Variants in MOCS1 observed in about 807,000 individuals in gnomAD.
MOCS1 encodes molybdenum cofactor biosynthesis protein 1.
A neutral mutation model predicts 57.6 loss-of-function variants in MOCS1; 39 were observed. That is an observed-to-expected ratio of 0.68 (90% confidence interval 0.52 to 0.88). The LOEUF is 0.88. Ranked by LOEUF, MOCS1 falls within the 40% of genes least tolerant of loss-of-function variation. The pLI, the probability that MOCS1 is intolerant of heterozygous loss-of-function variation, is 0.00. For synonymous variants in MOCS1, 334 were observed against 335.7 expected (o/e 1.00, Z 0.05); for missense variants, 795 against 831.1 (o/e 0.96, Z 0.53).
chr6:39,914,503 ATCATTAACCACAG>A (rs1484254416), intron 4 of MOCS1, among the ~76,000 whole-genome samples: 1 of 152,224 alleles, frequency 6.6e-6, no homozygotes, highest in Non-Finnish European at 1.5e-5. Flanking sequence ...TGTCTCAACA[ATCATTAACCACAG>A]TCAATGTGAC....
intron 8 of MOCS1, among the ~76,000 whole-genome samples, chr6:39,911,675 C>A (rs912207330): frequency 2.6e-5 from 4 of 152,168 alleles, no homozygotes; most frequent in African/African-American, 9.6e-5. Context: ...CTCCCCTCCC[C>A]ACTTCTGCCC....
At chr6:39,907,225 A>T in intron 10 of MOCS1, 108 bp from the exon 11 acceptor site, 1 of 1,197,458 alleles carries the variant, frequency 8.4e-7, no homozygotes, top group Non-Finnish European at 1.1e-6. Flanking sequence ...TCTCTTTCAT[A>T]CCGGGGAAAG....
In MOCS1 at chr6:39,916,106, A is replaced by G; in HGVS notation, c.545T>C (p.Leu182Pro). 6.2e-7 allele frequency: 1 copy of G among 1,613,298 alleles called. No homozygotes were observed. The highest frequency in any genetic ancestry group is 8.5e-7 in the Non-Finnish European group (1 of 1,179,768). Residue 182 changes from leucine to proline, a missense_variant, in exon 4 of 11, where the codon CTG becomes CCG. Physicochemically the swap from Leu to Pro is moderately conservative, Grantham distance 98. Coordinates refer to ENST00000340692, the MANE Select transcript of MOCS1 (RefSeq NM_001358530.2). ...AATGAACTCAAACTTGGCAGGCACC[A>G]GGGTGTCCAGGCTGATGTTGATGGC... ...LSAINISLDT[L>P]VPAKFEFIVR...
At chr6:39,922,508 G>A (rs1768027145) in intron 3 of MOCS1, among the ~76,000 whole-genome samples, 1 of 152,102 alleles carries the variant, frequency 6.6e-6, no homozygotes, top group Non-Finnish European at 1.5e-5. Context: ...CCAAAAGATA[G>A]GACACCCATG....
chr6:39,915,521 G>A (rs1767606479), intron 4 of MOCS1, among the ~76,000 whole-genome samples: 1 of 152,174 alleles, frequency 6.6e-6, no homozygotes, highest in Non-Finnish European at 1.5e-5. Flanking sequence ...AGAGCTCGAG[G>A]CTGGCTCCAC....
In MOCS1 at chr6:39,927,813, C is replaced by T. The variant is rs575993079; in HGVS notation, c.124-358G>A. 328 of 1,297,026 alleles carry T rather than the reference C, an allele frequency of 2.5e-4. 1 individual carries two copies. In the African/African-American group the frequency reaches 4.5e-3, roughly 18 times the overall value. The allele number at this position is 1,297,026 out of a possible 1,614,324, so 80.3% of individuals were successfully genotyped here. A position where few individuals can be genotyped will look rare whatever the true frequency, so the allele number is the denominator to read the frequency against. On this transcript the variant is annotated intron_variant, in intron 1 of 10. Transcript: ENST00000340692. The stretch of plus-strand genomic sequence containing the variant: ...AAAAAGGATTGTGCACCCATGGTCT[C>T]GGGCATAAATGAGAAGAGACTGCTG...
In MOCS1 at chr6:39,910,014, C is replaced by T. The variant is rs904001316; in HGVS notation, c.982-59G>A. 34 of 1,605,384 alleles carry T rather than the reference C, an allele frequency of 2.1e-5. No individual in the cohort carries two copies. The Middle Eastern group carries it at 5.0e-4, about 24-fold the overall frequency. On this transcript the variant is annotated intron_variant, in intron 8 of 10. Coordinates refer to ENST00000340692, the MANE Select transcript of MOCS1 (RefSeq NM_001358530.2). ...CCCCTGAGCCTTGGCCTCCTGGCCT[C>T]TGAGGAGCTAACTCCTTCCCTGGTT... is the stretch of plus-strand genomic sequence containing the variant.
chr6:39,924,785 C>A (rs1300928440), intron 3 of MOCS1, among the ~76,000 whole-genome samples: 1 of 152,104 alleles, frequency 6.6e-6, no homozygotes, highest in Non-Finnish European at 1.5e-5. Context: ...TATTTAGGAG[C>A]ATAAAAACCA....
rs745650301 is a variant in MOCS1 at position 39,904,924 on chromosome 6, A to C, written c.*1433T>G. On this transcript the variant is annotated 3_prime_UTR_variant, in exon 11 of 11. Coordinates refer to ENST00000340692, the MANE Select transcript of MOCS1 (RefSeq NM_001358530.2). ...ATGAGGGGATCTGGGGTGGGCTGAGAGTGTGCTGGAGCCAGCTTGTACCAG... is the reference window on the plus strand; with the variant it reads ...ATGAGGGGATCTGGGGTGGGCTGAGCGTGTGCTGGAGCCAGCTTGTACCAG... 1.9e-4 allele frequency: 87 copies of C among 454,102 alleles called. 1 individual carries two copies. Among genetic ancestry groups the C allele is most frequent in the Admixed American group, 7.8e-4 (33 of 42,572 alleles). 28.1% of individuals were successfully genotyped at this position (454,102 alleles called of 1,614,324 possible).
At chr6:39,933,575 C>T (rs1768752100) in intron 1 of MOCS1, among the ~76,000 whole-genome samples, 1 of 152,042 alleles carries the variant, frequency 6.6e-6, no homozygotes, top group Non-Finnish European at 1.5e-5. Context: ...ACTTTTCCCC[C>T]CAAATTATTC....
At chr6:39,921,158 G>C (rs1462557062) in intron 3 of MOCS1, among the ~76,000 whole-genome samples, 2 of 152,142 alleles carry the variant, frequency 1.3e-5, no homozygotes, top group African/African-American at 2.4e-5. Flanking sequence ...CTAGCACTTT[G>C]GGAGGCCGAG....
chr6:39,905,379 T>C lies in MOCS1; in HGVS notation c.*978A>G, dbSNP rs1455264149. The C allele has an allele frequency of 2.2e-6, 1 of 464,586 alleles. No homozygotes were observed. The highest frequency in any genetic ancestry group is 2.3e-5 in the Admixed American group (1 of 42,582). The allele number at this position is 464,586 out of a possible 1,614,324, so 28.8% of individuals were successfully genotyped here. A position where few individuals can be genotyped will look rare whatever the true frequency, so the allele number is the denominator to read the frequency against. Reference sequence around the variant, plus strand: ...CGGGGCTATACAGAGAGTACACCCTTAGGCCTTTCCAGGTCCCTCCTCTTC... The same window carrying C: ...CGGGGCTATACAGAGAGTACACCCTCAGGCCTTTCCAGGTCCCTCCTCTTC... On this transcript the variant is annotated 3_prime_UTR_variant, in exon 11 of 11. Coordinates refer to ENST00000340692, the MANE Select transcript of MOCS1 (RefSeq NM_001358530.2).
chr6:39,934,180 G>T, intron 1 of MOCS1, 115 bp downstream of exon 1: 9 of 1,337,616 alleles, frequency 6.7e-6, no homozygotes, highest in Non-Finnish European at 8.9e-6. Flanking sequence ...GAGTGCCAAC[G>T]GGTCCCTCCC....
chr6:39,916,432 T>C (rs1473643970), intron 3 of MOCS1, among the ~76,000 whole-genome samples, 200 bp from the exon 4 acceptor site: 1 of 152,198 alleles, frequency 6.6e-6, no homozygotes, highest in Non-Finnish European at 1.5e-5. Context: ...AAGCATTGAG[T>C]GCTCTGTGCT....
intron 5 of MOCS1, 125 bp from the exon 6 acceptor site, chr6:39,913,553 C>T (rs576522920): frequency 1.0e-6 from 1 of 984,982 alleles, no homozygotes; most frequent in East Asian, 2.6e-5. Flanking sequence ...TTCTCCCACT[C>T]AGTTCTCTAA....
intron 3 of MOCS1, 134 bp downstream of exon 3, chr6:39,925,544 C>T (rs1768228198): frequency 9.6e-7 from 1 of 1,041,778 alleles, no homozygotes; most frequent in African/African-American, 1.6e-5. Context: ...TAGCACCTGT[C>T]TCAGCAGGTG....
intron 3 of MOCS1, among the ~76,000 whole-genome samples, chr6:39,924,947 G>T (rs1768191499): frequency 1.3e-5 from 2 of 152,112 alleles, no homozygotes; most frequent in African/African-American, 4.8e-5. Context: ...AGGCATAGCG[G>T]TGTGTGCCTG....
chr6:39,924,432 G>A (rs1374288360), intron 3 of MOCS1, among the ~76,000 whole-genome samples: 1 of 152,238 alleles, frequency 6.6e-6, no homozygotes, highest in African/African-American at 2.4e-5. Flanking sequence ...GCCAGCGAAT[G>A]CAGGAGACAG....
intron 4 of MOCS1, among the ~76,000 whole-genome samples, chr6:39,915,635 C>T (rs2149406673): frequency 1.3e-5 from 2 of 152,192 alleles, no homozygotes; most frequent in South Asian, 4.1e-4. Flanking sequence ...ACAGGGATAA[C>T]CATGGGGGCC....
Sources: gnomAD v4.1 joint callset for allele counts (sites outside exome capture counted in the v4.1 genomes callset) on GRCh38, gnomAD v4.1.1 for gene constraint, MANE v1.5 for transcripts, NCBI Gene and HGNC (gene_info 2026-07-23, HGNC 2026-07-21) for gene names.